SORCS3: variants seen among roughly 807,000 people sequenced by gnomAD.
The protein encoded by SORCS3 is sortilin related VPS10 domain containing receptor 3.
Under a neutral mutation model 146.3 loss-of-function variants are expected in SORCS3, and 57 were observed. The observed-to-expected ratio is 0.39, with a 90% confidence interval of 0.31 to 0.49. SORCS3 has a LOEUF of 0.49. Ranked by LOEUF, SORCS3 falls within the 20% of genes least tolerant of loss-of-function variation. The pLI is 0.92. For synonymous variants in SORCS3, 653 were observed against 618.5 expected, an observed-to-expected ratio of 1.06 and a Z score of -0.83; for missense variants, 1,341 against 1,575.5, an observed-to-expected ratio of 0.85 and a Z score of 2.52.
chr10:104,786,988 T>A (rs1180524441), intron 1 of SORCS3, among the ~76,000 whole-genome samples: 1 of 152,172 alleles, frequency 6.6e-6, no homozygotes, highest in Non-Finnish European at 1.5e-5. Context: ...AAGCATCAGA[T>A]GGCTAAGCTA....
intron 1 of SORCS3, chr10:104,664,609 T>A (rs1246507042): frequency 6.6e-6 from 1 of 152,188 alleles, no homozygotes; most frequent in Non-Finnish European, 1.5e-5. Context: ...CATCAAAGCT[T>A]ACTTTTAAAA....
At chr10:105,112,152 C>G (rs2055862911) in intron 7 of SORCS3, among the ~76,000 whole-genome samples, 2 of 152,086 alleles carry the variant, frequency 1.3e-5, no homozygotes, top group Admixed American at 1.3e-4. Flanking sequence ...TTTCATATCC[C>G]TTTATGCTTT....
chr10:105,117,659 C>G (rs117460010), intron 7 of SORCS3, among the ~76,000 whole-genome samples: 1 of 152,142 alleles, frequency 6.6e-6, no homozygotes, highest in African/African-American at 2.4e-5. Context: ...GTAAGTCTCC[C>G]ATGTTTCATT....
chr10:105,241,721 C>G lies in SORCS3; in HGVS notation c.2869-3821C>G, dbSNP rs529635258. 1.7e-3 allele frequency among the ~76,000 whole-genome samples: 257 copies of G among 152,232 alleles called. 2 individuals carry two copies. Among genetic ancestry groups the G allele is most frequent in the Non-Finnish European group, 3.1e-3 (213 of 68,016 alleles). ...GGGCAGGTCATCTCCTCCCTGACTT[C>G]AAGTCAGGCTGTCTCCTCCCAGAAG... On this transcript the variant is annotated intron_variant, in intron 20 of 26. Coordinates refer to ENST00000369701, the MANE Select transcript of SORCS3 (RefSeq NM_014978.3).
At chr10:105,198,752 G>T (rs1298645945) in intron 14 of SORCS3, among the ~76,000 whole-genome samples, 1 of 152,126 alleles carries the variant, frequency 6.6e-6, no homozygotes, top group African/African-American at 2.4e-5. Flanking sequence ...AACCCATGTA[G>T]TTTTACTAAA....
At chr10:104,915,415 G>GGA (rs755942575) in intron 2 of SORCS3, among the ~76,000 whole-genome samples, 34 of 151,686 alleles carry the variant, frequency 2.2e-4, no homozygotes, top group South Asian at 1.5e-3. Context: ...GATGACCTCA[G>GGA]GAGACAGCTG....
At chr10:104,862,156 G>A (rs1352515270) in intron 2 of SORCS3, among the ~76,000 whole-genome samples, 7 of 152,172 alleles carry the variant, frequency 4.6e-5, no homozygotes, top group Non-Finnish European at 1.0e-4. Flanking sequence ...CATAACATTG[G>A]GGAAGTGCCC....
At chr10:104,779,942 A>T (rs1227015158) in intron 1 of SORCS3, among the ~76,000 whole-genome samples, 1 of 152,174 alleles carries the variant, frequency 6.6e-6, no homozygotes, top group East Asian at 1.9e-4. Context: ...GGAGACGTGC[A>T]CATCATTAAC....
intron 1 of SORCS3, among the ~76,000 whole-genome samples, chr10:104,696,076 ATCATATACACATATATAAT>A: frequency 5.1e-5 from 1 of 19,582 alleles, no homozygotes; most frequent in Non-Finnish European, 1.4e-4. Flanking sequence ...TATAATATAT[ATCATATACACATATATAAT>A]ATATCATATA....
chr10:105,250,408 A>G (rs952196711), intron 22 of SORCS3, among the ~76,000 whole-genome samples: 2 of 152,166 alleles, frequency 1.3e-5, no homozygotes, highest in African/African-American at 4.8e-5. Flanking sequence ...TTGTAATTGC[A>G]ATAATAATAA....
At chr10:105,016,726 C>T (rs790647) in intron 4 of SORCS3, among the ~76,000 whole-genome samples, 3 of 151,822 alleles carry the variant, frequency 2.0e-5, no homozygotes, top group Admixed American at 6.6e-5. Context: ...TGGACCCTAC[C>T]GCCAATGTAG....
chr10:104,800,320 A>G (rs1467871224), intron 1 of SORCS3, among the ~76,000 whole-genome samples: 1 of 152,198 alleles, frequency 6.6e-6, no homozygotes, highest in Non-Finnish European at 1.5e-5. Flanking sequence ...GGTTAACAGT[A>G]GTTAGCGAGG....
At chr10:104,887,257 G>A (rs1156322500) in intron 2 of SORCS3, among the ~76,000 whole-genome samples, 6 of 152,126 alleles carry the variant, frequency 3.9e-5, no homozygotes, top group South Asian at 4.1e-4. Flanking sequence ...TTTTGGGTGC[G>A]AGTAGCTTAA....
chr10:105,111,620 T>C (rs2133757652), intron 7 of SORCS3, among the ~76,000 whole-genome samples: 1 of 152,338 alleles, frequency 6.6e-6, no homozygotes, highest in African/African-American at 2.4e-5. Context: ...AAAACTGCTG[T>C]CCAGGAATTG....
At chr10:104,782,730 A>G (rs2017389568) in intron 1 of SORCS3, among the ~76,000 whole-genome samples, 2 of 152,156 alleles carry the variant, frequency 1.3e-5, no homozygotes, top group Admixed American at 6.5e-5. Context: ...CTGATAAACT[A>G]TGGGATCTCG....
intron 1 of SORCS3, among the ~76,000 whole-genome samples, chr10:104,781,512 C>T (rs934819820): frequency 6.6e-6 from 1 of 152,178 alleles, no homozygotes; most frequent in Non-Finnish European, 1.5e-5. Flanking sequence ...GAGGATTAGC[C>T]TTGAACCATC....
chr10:104,997,948 G>C (rs566094656), intron 4 of SORCS3, among the ~76,000 whole-genome samples: 2 of 152,296 alleles, frequency 1.3e-5, no homozygotes, highest in South Asian at 4.1e-4. Flanking sequence ...AAAGTTCTGA[G>C]ATGATCAGCA....
rs549562030 is a variant in SORCS3 at position 104,831,489 on chromosome 10, A to G, written c.628-11303A>G. Among the ~76,000 whole-genome samples, 7 of 152,292 alleles carry G rather than the reference A, an allele frequency of 4.6e-5. No individual in the cohort carries two copies. The South Asian group carries it at 1.5e-3, about 32-fold the overall frequency. ...CCAAGATAGGGCCAGTTGCGATTCC[A>G]AAGAAAGAAGCACTAAATGCCAGGG... On this transcript the variant is annotated intron_variant, in intron 1 of 26. Coordinates refer to ENST00000369701, the MANE Select transcript of SORCS3 (RefSeq NM_014978.3).
intron 20 of SORCS3, among the ~76,000 whole-genome samples, chr10:105,230,453 A>G (rs1271457743): frequency 6.6e-6 from 1 of 152,074 alleles, no homozygotes; most frequent in Non-Finnish European, 1.5e-5. Context: ...TTTTGCTTGT[A>G]TCTTAGCCTA....
Sources: allele counts gnomAD v4.1 joint callset (sites outside exome capture counted in the v4.1 genomes callset), GRCh38; gene constraint gnomAD v4.1.1; transcripts MANE v1.5; gene names NCBI Gene and HGNC (gene_info 2026-07-23, HGNC 2026-07-21).